EVL: variants seen among roughly 807,000 people sequenced by gnomAD.
EVL encodes ena/VASP-like protein.
In EVL, 21 loss-of-function variants were observed where a neutral mutation model predicts 59.6. That is an observed-to-expected ratio of 0.35 (90% CI 0.25 to 0.51). The LOEUF (loss-of-function observed/expected upper bound fraction) is 0.51. Ranked by LOEUF, EVL falls within the 20% of genes least tolerant of loss-of-function variation. EVL has a pLI of 0.97. For synonymous variants in EVL, 198 were observed against 203.5 expected (o/e 0.97, Z 0.23); for missense variants, 462 against 546.6 (o/e 0.85, Z 1.54).
At chr14:99,974,111 A>G (rs368276730) in intron 1 of EVL, among the ~76,000 whole-genome samples, 3 of 152,334 alleles carry the variant, frequency 2.0e-5, no homozygotes, top group African/African-American at 7.2e-5. Flanking sequence ...TTATTGAGAT[A>G]TAATTCACAC....
intron 1 of EVL, among the ~76,000 whole-genome samples, chr14:100,044,782 T>C (rs1221604216): frequency 6.6e-6 from 1 of 151,940 alleles, no homozygotes; most frequent in Admixed American, 6.6e-5. Flanking sequence ...GCATGGAGTG[T>C]TTCAGCAGTG....
chr14:99,997,602 G>C (rs2060922111), intron 1 of EVL, among the ~76,000 whole-genome samples: 1 of 152,242 alleles, frequency 6.6e-6, no homozygotes, highest in Non-Finnish European at 1.5e-5. Context: ...TCAGTGTTTT[G>C]AGGAATGGGT....
At chr14:100,128,425 C>A in intron 5 of EVL, 94 bp from the exon 6 acceptor site, 1 of 1,280,912 alleles carries the variant, frequency 7.8e-7, no homozygotes, top group Non-Finnish European at 1.1e-6. Context: ...AGCAGCCTGC[C>A]CCTGTCCTTC....
In EVL at chr14:100,051,108, G is replaced by T. The variant is rs373758406; in HGVS notation, c.6-33579G>T. Reference sequence around the variant, plus strand: ...CTAATCCACGGTTTTGCTTTTCACTGTTTCAGTTACCTGAGGTCAACTTTG... The same window carrying T: ...CTAATCCACGGTTTTGCTTTTCACTTTTTCAGTTACCTGAGGTCAACTTTG... On this transcript the variant is annotated intron_variant, in intron 1 of 13. Transcript: ENST00000402714. Among the ~76,000 whole-genome samples, 6 of 152,208 alleles carry T rather than the reference G, an allele frequency of 3.9e-5. No homozygotes were observed. In the South Asian group the frequency reaches 1.0e-3, roughly 26 times the overall value.
intron 1 of EVL, among the ~76,000 whole-genome samples, chr14:99,983,629 T>C (rs2060822351): frequency 6.6e-6 from 1 of 152,206 alleles, no homozygotes; most frequent in Non-Finnish European, 1.5e-5. Context: ...GCTCTGCTGC[T>C]TTTGTGGAGC....
At chr14:100,043,423 C>T in intron 1 of EVL, among the ~76,000 whole-genome samples, 1 of 126,764 alleles carries the variant, frequency 7.9e-6, no homozygotes, top group East Asian at 2.5e-4. Flanking sequence ...CCCAGGGAAG[C>T]AAGTATTGTG....
chr14:100,083,925 G>A (rs140060523), intron 1 of EVL, among the ~76,000 whole-genome samples: 229 of 152,156 alleles, frequency 1.5e-3, no homozygotes, highest in African/African-American at 5.3e-3. Flanking sequence ...GTATGAACTT[G>A]TATACATCTT....
At position 100,144,122 on chromosome 14, in the gene EVL, C is replaced by G; in HGVS notation, c.*384C>G. The G allele has an allele frequency of 3.2e-6, 1 of 315,072 alleles. No homozygotes were observed. The highest frequency in any genetic ancestry group is 6.0e-6 in the Non-Finnish European group (1 of 167,020). The allele number at this position is 315,072 out of a possible 1,614,324, so 19.5% of individuals were successfully genotyped here. Reference sequence around the variant, plus strand: ...CAGCCGGCCCAGCGTGGCGCCACCACACACCGCAGAGCTGTCCAGGCACAG... The same window carrying G: ...CAGCCGGCCCAGCGTGGCGCCACCAGACACCGCAGAGCTGTCCAGGCACAG... On this transcript the variant is annotated 3_prime_UTR_variant, in exon 14 of 14. Transcript: ENST00000392920.
Position 100,109,241 on chromosome 14 carries a change from T to C in EVL, c.358+11583T>C, listed in dbSNP as rs990649053. On this transcript the variant is annotated intron_variant, in intron 3 of 13. Transcript: ENST00000392920. The surrounding 1 kb of genome is among the most constrained non-coding windows in gnomAD (Gnocchi z 4.3). The stretch of plus-strand genomic sequence containing the variant: ...CCTTCTCTTGTCCTTCTTCAGTCTG[T>C]CCTCCCTGGGCTGCGTCTAAAGGGG... Among the ~76,000 whole-genome samples, 3 of 152,226 alleles carry C rather than the reference T, an allele frequency of 2.0e-5. No individual in the cohort carries two copies. Among genetic ancestry groups the C allele is most frequent in the African/African-American group, 7.2e-5 (3 of 41,454 alleles).
chr14:100,082,039 G>A (rs1264642753), intron 1 of EVL, among the ~76,000 whole-genome samples: 1 of 152,156 alleles, frequency 6.6e-6, no homozygotes, highest in African/African-American at 2.4e-5. Context: ...CACAAGAATC[G>A]CCTGAACCTG....
At position 100,109,356 on chromosome 14, in the gene EVL, C is replaced by T. The variant is rs1021971706; in HGVS notation, c.358+11698C>T. ...CTGCTGTTGTGAAGCCTTCCCAGTG[C>T]CCCAGAAGACCTCAGGCACCCCTTC... is the stretch of plus-strand genomic sequence containing the variant. On this transcript the variant is annotated intron_variant, in intron 3 of 13. Transcript: ENST00000392920. The surrounding 1 kb of genome is among the most constrained non-coding windows in gnomAD (Gnocchi z 4.3). The T allele has an allele frequency of 1.1e-5, 4 of 357,068 alleles. No individual in the cohort carries two copies. Among genetic ancestry groups the T allele is most frequent in the Non-Finnish European group, 2.2e-5 (4 of 180,640 alleles). 22.1% of individuals were successfully genotyped at this position (357,068 alleles called of 1,614,324 possible). A position where few individuals can be genotyped will look rare whatever the true frequency, so the allele number is the denominator to read the frequency against.
chr14:100,030,720 C>A (rs1218203141), intron 1 of EVL, among the ~76,000 whole-genome samples: 1 of 152,186 alleles, frequency 6.6e-6, no homozygotes, highest in African/African-American at 2.4e-5. Context: ...ATTCCCTGGT[C>A]TGAGAGATTA....
At chr14:99,982,396 A>G (rs1230538703) in intron 1 of EVL, among the ~76,000 whole-genome samples, 1 of 152,234 alleles carries the variant, frequency 6.6e-6, no homozygotes, top group Non-Finnish European at 1.5e-5. Flanking sequence ...ACCAAAGGGT[A>G]TAAACATTTT....
At chr14:100,141,621 G>A (rs1889172373) in intron 12 of EVL, 115 bp from the exon 13 acceptor site, 1 of 925,858 alleles carries the variant, frequency 1.1e-6, no homozygotes, top group Admixed American at 2.7e-5. Flanking sequence ...AAGGGTGACA[G>A]ATGCAACTCT....
intron 8 of EVL, among the ~76,000 whole-genome samples, chr14:100,133,366 G>C (rs1652075273): frequency 6.6e-6 from 1 of 152,168 alleles, no homozygotes; most frequent in Non-Finnish European, 1.5e-5. Context: ...CCTATAAAAA[G>C]ACTCCTACTG....
rs559942602 is a variant in EVL at position 100,143,881 on chromosome 14, A to G, written c.*143A>G. The G allele has an allele frequency of 3.1e-6, 3 of 968,504 alleles. No homozygotes were observed. Among genetic ancestry groups the G allele is most frequent in the Non-Finnish European group, 4.6e-6 (3 of 659,022 alleles). 60.0% of individuals were successfully genotyped at this position (968,504 alleles called of 1,614,324 possible). On this transcript the variant is annotated 3_prime_UTR_variant, in exon 14 of 14. Transcript: ENST00000392920. Reference sequence around the variant, plus strand: ...CTGTGAAACGTCCTGACCTGTGATCACACATGACAGTGAGGAAACCAAGTG... The same window carrying G: ...CTGTGAAACGTCCTGACCTGTGATCGCACATGACAGTGAGGAAACCAAGTG...
chr14:99,978,934 C>A (rs1207040249), intron 1 of EVL, among the ~76,000 whole-genome samples: 1 of 151,966 alleles, frequency 6.6e-6, no homozygotes, highest in African/African-American at 2.4e-5. Flanking sequence ...CTTATTTTAG[C>A]AAAAAAGTAC....
At chr14:100,141,333 C>T in intron 12 of EVL, 87 bp downstream of exon 12, 1 of 1,456,002 alleles carries the variant, frequency 6.9e-7, no homozygotes, top group African/African-American at 1.4e-5. Context: ...CCAGGCAGGC[C>T]CTGGGGGCCC....
At chr14:100,103,967 C>CGT (rs1444033740) in intron 3 of EVL, among the ~76,000 whole-genome samples, 9 of 152,202 alleles carry the variant, frequency 5.9e-5, no homozygotes, top group Admixed American at 3.9e-4. Flanking sequence ...TGCGTGTGAG[C>CGT]GTGTGTGTGT....
Sources: allele counts gnomAD v4.1 joint callset (sites outside exome capture counted in the v4.1 genomes callset), GRCh38; gene constraint gnomAD v4.1.1; non-coding constraint Gnocchi (gnomAD v3.1); transcripts MANE v1.5; gene names NCBI Gene and HGNC (gene_info 2026-07-23, HGNC 2026-07-21).